APPL2: variants seen among roughly 807,000 people sequenced by gnomAD.
The protein encoded by APPL2 is DCC-interacting protein 13-beta.
Under a neutral mutation model 92.7 loss-of-function variants are expected in APPL2, and 84 were observed. The observed-to-expected ratio is 0.91, with a 90% CI of 0.76 to 1.09. APPL2 has a LOEUF of 1.09. Among genes scored for constraint, APPL2 ranks in the 50% least tolerant of loss-of-function variants. The probability of loss-of-function intolerance (pLI) is 0.00; values close to 1 mark genes in which losing one functional copy is unlikely to be tolerated. For synonymous variants in APPL2, 291 were observed against 291.0 expected (o/e 1.00, Z 0.00); for missense variants, 736 against 824.5 (o/e 0.89, Z 1.31).
chr12:105,231,528 C>A (rs1360485339), intron 1 of APPL2, among the ~76,000 whole-genome samples: 1 of 152,142 alleles, frequency 6.6e-6, no homozygotes, highest in Non-Finnish European at 1.5e-5. Flanking sequence ...TGTGTTCAAC[C>A]TCCCACTGTA....
chr12:105,222,124 G>T (rs79774190), intron 2 of APPL2, among the ~76,000 whole-genome samples: 2 of 152,312 alleles, frequency 1.3e-5, no homozygotes, highest in South Asian at 4.1e-4. Flanking sequence ...TGCACACAGG[G>T]AGTAGTGAGG....
At chr12:105,183,979 C>T (rs1234666243) in intron 17 of APPL2, among the ~76,000 whole-genome samples, 1 of 152,248 alleles carries the variant, frequency 6.6e-6, no homozygotes, top group South Asian at 2.1e-4. Context: ...TTTCTCTAAT[C>T]TTGTCTTCAC....
chr12:105,220,087 A>G (rs1280583600), intron 2 of APPL2, among the ~76,000 whole-genome samples: 1 of 152,230 alleles, frequency 6.6e-6, no homozygotes, highest in African/African-American at 2.4e-5. Context: ...AGATTAAGCC[A>G]CCTGTGCAAG....
intron 17 of APPL2, among the ~76,000 whole-genome samples, chr12:105,186,718 TATATATATC>T (rs1172181381): frequency 3.0e-5 from 4 of 131,616 alleles, no homozygotes; most frequent in Non-Finnish European, 6.4e-5. Context: ...TATCATATCA[TATATATATC>T]ATATATATCA....
In APPL2 at chr12:105,236,141, C is replaced by G; in HGVS notation, c.-129G>C. ...ACTCCGTGCCCGCGGCGGCCCCGCG[C>G]GCGTCCACGCCTGGCCAGTGGCCGC... is the stretch of plus-strand genomic sequence containing the variant. On this transcript the variant is annotated 5_prime_UTR_variant, in exon 1 of 21. Coordinates refer to ENST00000258530, the MANE Select transcript of APPL2 (RefSeq NM_018171.5). 1 of 402,364 alleles carries G rather than the reference C, an allele frequency of 2.5e-6. No homozygotes were observed. Among genetic ancestry groups the G allele is most frequent in the Non-Finnish European group, 3.4e-6 (1 of 296,122 alleles). The allele number at this position is 402,364 out of a possible 1,614,324, so 24.9% of individuals were successfully genotyped here.
intron 2 of APPL2, among the ~76,000 whole-genome samples, chr12:105,225,153 TAA>T: frequency 7.0e-6 from 1 of 143,720 alleles, no homozygotes. Flanking sequence ...CAAATTTACT[TAA>T]AAAAAAAAAA....
At chr12:105,230,523 T>C (rs1308934718) in intron 1 of APPL2, among the ~76,000 whole-genome samples, 1 of 152,222 alleles carries the variant, frequency 6.6e-6, no homozygotes, top group African/African-American at 2.4e-5. Flanking sequence ...TTTGAGGTGA[T>C]ATCAAAGCAC....
chr12:105,221,417 A>G (rs1180663995), intron 2 of APPL2, among the ~76,000 whole-genome samples: 2 of 152,224 alleles, frequency 1.3e-5, no homozygotes, highest in Admixed American at 6.5e-5. Flanking sequence ...GAAAGGATAA[A>G]TAACTTTCTA....
At position 105,201,733 on chromosome 12, in the gene APPL2, T is replaced by C. The variant is rs201185244; in HGVS notation, c.704+1970A>G. Among the ~76,000 whole-genome samples, 23 of 152,126 alleles carry C rather than the reference T, an allele frequency of 1.5e-4. No homozygotes were observed. In the South Asian group the frequency reaches 2.9e-3, roughly 19 times the overall value. On this transcript the variant is annotated intron_variant, in intron 9 of 20. Coordinates refer to ENST00000258530, the MANE Select transcript of APPL2 (RefSeq NM_018171.5). ...GCATGTATATATATACACACACACA[T>C]ATATATAAAATTATATATATCTGTT...
chr12:105,190,307 A>G, intron 14 of APPL2, 152 bp from the exon 15 acceptor site: 1 of 892,242 alleles, frequency 1.1e-6, no homozygotes, highest in Non-Finnish European at 1.7e-6. Context: ...CCTTCTTCAA[A>G]CTTCCTTCAT....
In APPL2 at chr12:105,215,640, A is replaced by C. The variant is rs191246815; in HGVS notation, c.285+1429T>G. Among the ~76,000 whole-genome samples the C allele has an allele frequency of 3.2e-3, 481 of 152,362 alleles. 1 individual carries two copies. The highest frequency in any genetic ancestry group is 0.01 in the Middle Eastern group (3 of 294). On this transcript the variant is annotated intron_variant, in intron 4 of 20. Coordinates refer to ENST00000258530, the MANE Select transcript of APPL2 (RefSeq NM_018171.5). Reference sequence around the variant, plus strand: ...GTTAGTTTCTCATTTTGTAAACTGAAGACAGTATCTACTGCAGATCAATAA... The same window carrying C: ...GTTAGTTTCTCATTTTGTAAACTGACGACAGTATCTACTGCAGATCAATAA...
chr12:105,225,571 T>C (rs1158833268), intron 2 of APPL2, among the ~76,000 whole-genome samples: 1 of 152,262 alleles, frequency 6.6e-6, no homozygotes, highest in African/African-American at 2.4e-5. Context: ...TTTTAACTTA[T>C]TTAGCCAATA....
At chr12:105,226,068 T>C (rs1054126141) in intron 2 of APPL2, among the ~76,000 whole-genome samples, 1 of 152,176 alleles carries the variant, frequency 6.6e-6, no homozygotes, top group African/African-American at 2.4e-5. Context: ...GTATAAAATA[T>C]TTATGGAATA....
chr12:105,225,276 C>T (rs548195559), intron 2 of APPL2, among the ~76,000 whole-genome samples: 44 of 152,242 alleles, frequency 2.9e-4, no homozygotes, highest in African/African-American at 1.0e-3. Flanking sequence ...TTCGTGAATA[C>T]CGCTGGGGAT....
chr12:105,186,636 C>CGATAT (rs1491368321), intron 17 of APPL2, among the ~76,000 whole-genome samples: 3 of 88,650 alleles, frequency 3.4e-5, no homozygotes, highest in Non-Finnish European at 7.8e-5. Context: ...TCATATATAT[C>CGATAT]ATATATATGA....
intron 5 of APPL2, 50 bp from the exon 6 acceptor site, chr12:105,208,249 C>T (rs776390832): frequency 1.2e-6 from 2 of 1,601,196 alleles, no homozygotes; most frequent in South Asian, 1.1e-5. Flanking sequence ...ATAAAACATG[C>T]CAACCCAGAG....
chr12:105,189,767 C>T lies in APPL2; in HGVS notation c.1459+5G>A, dbSNP rs1887037960. 12 of 1,614,170 alleles carry T rather than the reference C, an allele frequency of 7.4e-6. No individual in the cohort carries two copies. The highest frequency in any genetic ancestry group is 9.3e-6 in the Non-Finnish European group (11 of 1,179,988). On this transcript the variant is annotated splice_donor_5th_base_variant and intron_variant, in intron 16 of 20. Coordinates refer to ENST00000258530, the MANE Select transcript of APPL2 (RefSeq NM_018171.5). ...AAGAATAAGGACACCAAACTAGTCA[C>T]TTACCTTCTGCTTCTGGAAATGATT...
At chr12:105,217,906 C>G (rs1889818367) in intron 2 of APPL2, among the ~76,000 whole-genome samples, 181 bp from the exon 3 acceptor site, 2 of 152,044 alleles carry the variant, frequency 1.3e-5, no homozygotes, top group African/African-American at 4.8e-5. Flanking sequence ...AGTTTGAGAC[C>G]AGACTAGGCA....
chr12:105,189,408 GTCA>G (rs1887003801), intron 16 of APPL2, among the ~76,000 whole-genome samples: 1 of 152,178 alleles, frequency 6.6e-6, no homozygotes, highest in South Asian at 2.1e-4. Flanking sequence ...TATCATTTGT[GTCA>G]TCTTCAAATT....
Sources: gnomAD v4.1 joint callset for allele counts (sites outside exome capture counted in the v4.1 genomes callset) on GRCh38, gnomAD v4.1.1 for gene constraint, MANE v1.5 for transcripts, NCBI Gene and HGNC (gene_info 2026-07-23, HGNC 2026-07-21) for gene names.